MAPK10: variants seen among roughly 807,000 people sequenced by gnomAD.
MAPK10 encodes JNK3 alpha protein kinase.
A neutral mutation model predicts 59.3 loss-of-function variants in MAPK10; 25 were observed. The observed-to-expected ratio is 0.42, with a 90% CI of 0.31 to 0.59. MAPK10 has a LOEUF of 0.59. Among genes scored for constraint, MAPK10 ranks in the 20% least tolerant of loss-of-function variants. The probability of loss-of-function intolerance (pLI) is 0.15; values close to 1 mark genes in which losing one functional copy is unlikely to be tolerated. For synonymous variants in MAPK10, 190 were observed against 200.5 expected (o/e 0.95, Z 0.44); for missense variants, 351 against 568.9 (o/e 0.62, Z 3.90).
chr4:86,362,465 A>C (rs1167630019), upstream of MAPK10, among the ~76,000 whole-genome samples: 2 of 151,908 alleles, frequency 1.3e-5, no homozygotes, highest in African/African-American at 4.8e-5. Context: ...ACTTATCCTA[A>C]GTCACCATTA....
intron 1 of MAPK10, among the ~76,000 whole-genome samples, chr4:86,548,309 A>G (rs910781006): frequency 3.3e-5 from 5 of 152,072 alleles, no homozygotes; most frequent in Middle Eastern, 3.4e-3. Flanking sequence ...GAAGGAAGAA[A>G]CTCCAAACAC....
intron 1 of MAPK10, among the ~76,000 whole-genome samples, chr4:86,502,977 A>C (rs1755439116): frequency 6.6e-6 from 1 of 152,078 alleles, no homozygotes; most frequent in Non-Finnish European, 1.5e-5. Context: ...GAAGGGTGGG[A>C]TCCTTCAGTT....
chr4:86,031,924 A>T (rs2039112734), intron 11 of MAPK10: 1 of 152,774 alleles, frequency 6.5e-6, no homozygotes, highest in Non-Finnish European at 1.5e-5. Context: ...AATATAAAAA[A>T]AATTGAGATC....
At chr4:86,422,207 G>C (rs1746624272) in intron 1 of MAPK10, among the ~76,000 whole-genome samples, 1 of 152,160 alleles carries the variant, frequency 6.6e-6, no homozygotes, top group Non-Finnish European at 1.5e-5. Flanking sequence ...GGCCTCACCT[G>C]TCAAGTTTAC....
chr4:86,194,440 A>G (rs969540667), intron 2 of MAPK10, 33 bp from the exon 3 acceptor site: 8 of 1,260,422 alleles, frequency 6.3e-6, no homozygotes, highest in Non-Finnish European at 9.3e-6. Context: ...ATAAATTTTC[A>G]AATCACTAGT....
At chr4:86,251,145 TTTTTA>T (rs71657510) in intron 2 of MAPK10, among the ~76,000 whole-genome samples, 168 of 151,310 alleles carry the variant, frequency 1.1e-3, no homozygotes, top group South Asian at 5.0e-3. Context: ...TAGAACATCG[TTTTTA>T]TTTTATTTTA....
chr4:86,305,746 G>T (rs1465906841), intron 2 of MAPK10, among the ~76,000 whole-genome samples: 2 of 149,566 alleles, frequency 1.3e-5, no homozygotes, highest in East Asian at 3.9e-4. Context: ...TTGAACCCGG[G>T]AGGCGGAGGT....
intron 11 of MAPK10, among the ~76,000 whole-genome samples, chr4:86,063,568 C>T (rs2046141331): frequency 1.3e-5 from 2 of 152,024 alleles, no homozygotes; most frequent in Admixed American, 6.5e-5. Context: ...CCCCCCTTGC[C>T]CTGCTCAGCC....
At chr4:86,115,354 G>T (rs2058142204) in intron 4 of MAPK10, among the ~76,000 whole-genome samples, 1 of 152,130 alleles carries the variant, frequency 6.6e-6, no homozygotes, top group Non-Finnish European at 1.5e-5. Flanking sequence ...CACTCTGCAT[G>T]GGTCATACCA....
intron 1 of MAPK10, among the ~76,000 whole-genome samples, chr4:86,520,699 T>C (rs976004614): frequency 1.3e-5 from 2 of 152,192 alleles, no homozygotes; most frequent in Non-Finnish European, 2.9e-5. Context: ...CGTTTTGTCA[T>C]ATGAACAGTT....
intron 1 of MAPK10, among the ~76,000 whole-genome samples, chr4:86,389,073 G>A (rs953647458): frequency 2.6e-5 from 4 of 152,212 alleles, no homozygotes; most frequent in Non-Finnish European, 5.9e-5. Flanking sequence ...CCTGGTGGGA[G>A]ATGATTGGAT....
chr4:86,083,644 G>A (rs900045270), intron 9 of MAPK10, among the ~76,000 whole-genome samples: 1 of 152,032 alleles, frequency 6.6e-6, no homozygotes, highest in African/African-American at 2.4e-5. Context: ...GCAACTCCTA[G>A]GAAAGTCCTA....
At position 86,575,998 on chromosome 4, in the gene MAPK10, C is replaced by CGTGTGTGTGTGTGTGT. The variant is rs56886437; in HGVS notation, c.-263+17896_-263+17911dup. Among the ~76,000 whole-genome samples, 708 of 147,356 alleles carry CGTGTGTGTGTGTGTGT rather than the reference C, an allele frequency of 4.8e-3. 3 individuals carry two copies. Among genetic ancestry groups the CGTGTGTGTGTGTGTGT allele is most frequent in the African/African-American group, 0.012 (463 of 40,088 alleles). On this transcript the variant is annotated intron_variant, in intron 1 of 4. Coordinates refer to the MAPK10 transcript ENST00000502302. ...CATAACATAATATTGTGTGTGTATG[C>CGTGTGTGTGTGTGTGT]GTGTGTGTGTGTGTGTGTGTGTGTA...
In MAPK10 at chr4:86,102,034, T is replaced by TAGA. The variant is rs757219361; in HGVS notation, c.426-5_426-3dup. Reference sequence around the variant, plus strand: ...TCCATCAGTTCCATTACTAAGTAACTAGAAGGGTGAATCCACAGTGTTAGT... The same window carrying TAGA: ...TCCATCAGTTCCATTACTAAGTAACTAGAAGAAGGGTGAATCCACAGTGTTAGT... On this transcript the variant is annotated splice_region_variant and splice_polypyrimidine_tract_variant and intron_variant, in intron 6 of 13. Transcript: ENST00000641462. The TAGA allele has an allele frequency of 1.1e-4, 171 of 1,613,400 alleles. 1 individual carries two copies. Among genetic ancestry groups the TAGA allele is most frequent in the South Asian group, 1.0e-3 (95 of 91,056 alleles).
rs567199334 is a variant in MAPK10, at chr4:86,186,558, G to T, written c.66+7778C>A. On this transcript the variant is annotated intron_variant, in intron 3 of 13. Transcript: ENST00000641462. Reference sequence around the variant, plus strand: ...ATTAATTCTAGAATCAGGAAAGATTGCATTAAAATAAAGCAAAAGAGTTAT... The same window carrying T: ...ATTAATTCTAGAATCAGGAAAGATTTCATTAAAATAAAGCAAAAGAGTTAT... 4.5e-4 allele frequency among the ~76,000 whole-genome samples: 69 copies of T among 152,168 alleles called. 1 individual carries two copies. Among genetic ancestry groups the T allele is most frequent in the Non-Finnish European group, 7.5e-4 (51 of 67,994 alleles).
At chr4:86,395,195 A>C (rs1429652288) in intron 1 of MAPK10, among the ~76,000 whole-genome samples, 1 of 152,188 alleles carries the variant, frequency 6.6e-6, no homozygotes. Flanking sequence ...TAATCATACC[A>C]AAAAAGAAGG....
chr4:86,040,511 C>G (rs1579006385), intron 11 of MAPK10, among the ~76,000 whole-genome samples: 1 of 151,904 alleles, frequency 6.6e-6, no homozygotes, highest in South Asian at 2.1e-4. Context: ...ATCAAAAGAG[C>G]ACATTTTTTA....
At chr4:86,225,152 C>T (rs1184887555) in intron 2 of MAPK10, among the ~76,000 whole-genome samples, 1 of 152,118 alleles carries the variant, frequency 6.6e-6, no homozygotes, top group East Asian at 1.9e-4. Flanking sequence ...CCCTAGAAAT[C>T]CGTGCTTGGA....
At chr4:86,194,471 A>G in intron 2 of MAPK10, 64 bp from the exon 3 acceptor site, 1 of 954,080 alleles carries the variant, frequency 1.0e-6, no homozygotes, top group South Asian at 1.3e-5. Flanking sequence ...ATAACAATAT[A>G]GATTTTGGCA....
Sources: allele counts gnomAD v4.1 joint callset (sites outside exome capture counted in the v4.1 genomes callset), GRCh38; gene constraint gnomAD v4.1.1; transcripts MANE v1.5; gene names NCBI Gene and HGNC (gene_info 2026-07-23, HGNC 2026-07-21).